The following LINGO2 variants were observed in gnomAD, a reference collection of about 807,000 sequenced individuals.
LINGO2 encodes the protein leucine rich repeat and Ig domain containing 2.
Under a neutral mutation model 30.6 loss-of-function variants are expected in LINGO2, and 14 were observed. The ratio of observed to expected loss-of-function variants is 0.46; its 90% CI spans 0.30 to 0.72. The LOEUF (loss-of-function observed/expected upper bound fraction) is 0.72. Among genes scored for constraint, LINGO2 ranks in the 30% least tolerant of loss-of-function variants. LINGO2 has a pLI of 0.07. For synonymous variants in LINGO2, 317 were observed against 288.5 expected (o/e 1.10, Z -1.00); for missense variants, 729 against 751.7 (o/e 0.97, Z 0.35).
chr9:28,075,557 C>T (rs1825599300), intron 4 of LINGO2, among the ~76,000 whole-genome samples: 1 of 151,930 alleles, frequency 6.6e-6, no homozygotes, highest in African/African-American at 2.4e-5. Flanking sequence ...TCCACAATCT[C>T]ATCAAGATTT....
rs542232447 is a variant in LINGO2, at chr9:28,143,991, C to G, written c.-86-131586G>C. Among the ~76,000 whole-genome samples, 10 of 151,748 alleles carry G rather than the reference C, an allele frequency of 6.6e-5. 1 individual carries two copies. The highest frequency in any genetic ancestry group is 1.5e-4 in the Non-Finnish European group (10 of 67,910). On this transcript the variant is annotated intron_variant, in intron 4 of 5. Coordinates refer to ENST00000379992, the Ensembl canonical transcript of LINGO2. ...GCATAAACTACTTGTGCAGGAGCAC[C>G]GAGAGTCCTTTTTGGAATAAGGTTA...
chr9:28,649,886 A>G (rs1434359338), intron 1 of LINGO2, among the ~76,000 whole-genome samples: 4 of 152,160 alleles, frequency 2.6e-5, no homozygotes, highest in African/African-American at 9.6e-5. Flanking sequence ...ACAGCCCCTG[A>G]TTCAACCCTC....
chr9:28,002,132 C>T (rs1486524809), intron 5 of LINGO2, among the ~76,000 whole-genome samples: 1 of 152,192 alleles, frequency 6.6e-6, no homozygotes, highest in Non-Finnish European at 1.5e-5. Flanking sequence ...GCACCAGCAA[C>T]ATGACCAATG....
At chr9:28,270,877 T>TCTC (rs1822915260) in intron 4 of LINGO2, among the ~76,000 whole-genome samples, 1 of 152,128 alleles carries the variant, frequency 6.6e-6, no homozygotes, top group Non-Finnish European at 1.5e-5. Context: ...AGATGAGGAC[T>TCTC]TGAGATTCAG....
At position 28,506,490 on chromosome 9, in the gene LINGO2, A is replaced by ATG. The variant is rs1564250782; in HGVS notation, c.-364-30466_-364-30465insCA. On this transcript the variant is annotated intron_variant, in intron 1 of 5. Transcript: ENST00000379992. ...CACACACACACACACATACACATAC[A>ATG]CACACACACACAGACATATATATAT... 1.9e-3 allele frequency among the ~76,000 whole-genome samples: 214 copies of ATG among 111,404 alleles called. 16 individuals are homozygous for ATG. The highest frequency in any genetic ancestry group is 6.3e-3 in the African/African-American group (200 of 31,690). The allele number at this position is 111,404 out of a possible 152,430, so 73.1% of individuals were successfully genotyped here.
downstream of LINGO2, chr9:27,943,902 A>T (rs1437706136): frequency 1.3e-5 from 2 of 152,070 alleles, no homozygotes; most frequent in Non-Finnish European, 2.9e-5. Context: ...CTCCAGGGAG[A>T]AGGGGATCAG....
the LINGO2 span, among the ~76,000 whole-genome samples, chr9:29,010,075 A>C: frequency 6.6e-6 from 1 of 152,148 alleles, no homozygotes; most frequent in Non-Finnish European, 1.5e-5. Context: ...ACCATAAAAA[A>C]CCCAAGAAGA....
At chr9:28,633,973 G>T (rs757529915) in intron 1 of LINGO2, among the ~76,000 whole-genome samples, 1 of 152,134 alleles carries the variant, frequency 6.6e-6, no homozygotes, top group African/African-American at 2.4e-5. Flanking sequence ...CCTGTGAGTA[G>T]GTCTCCTACC....
chr9:28,088,052 G>A (rs2133248492), intron 4 of LINGO2, among the ~76,000 whole-genome samples: 1 of 152,118 alleles, frequency 6.6e-6, no homozygotes, highest in East Asian at 1.9e-4. Context: ...ACAGATTTTG[G>A]AGTTCAAATC....
At position 28,066,274 on chromosome 9, in the gene LINGO2, G is replaced by C. The variant is rs183498926; in HGVS notation, c.-86-53869C>G. On this transcript the variant is annotated intron_variant, in intron 4 of 5. Transcript: ENST00000379992. ...CACAATACATCTGTGATCAGCAACA[G>C]AGAAAAAGTTTGGAGAAATGTCAGT... is the stretch of plus-strand genomic sequence containing the variant. Among the ~76,000 whole-genome samples, 3 of 152,202 alleles carry C rather than the reference G, an allele frequency of 2.0e-5. No homozygotes were observed. In the East Asian group the frequency reaches 5.8e-4, roughly 29 times the overall value.
At chr9:29,212,479 C>T in the LINGO2 span, among the ~76,000 whole-genome samples, 1 of 152,036 alleles carries the variant, frequency 6.6e-6, no homozygotes, top group Non-Finnish European at 1.5e-5. Flanking sequence ...GGCCGGGTGC[C>T]GCCGCCGCCC....
chr9:28,960,072 A>G, the LINGO2 span, among the ~76,000 whole-genome samples: 3 of 152,168 alleles, frequency 2.0e-5, no homozygotes, highest in African/African-American at 4.8e-5. Flanking sequence ...AAAGTAACAA[A>G]TGTTCTTGGA....
intron 4 of LINGO2, among the ~76,000 whole-genome samples, chr9:28,258,925 A>G (rs188578370): frequency 2.0e-5 from 3 of 151,880 alleles, no homozygotes; most frequent in Admixed American, 6.6e-5. Flanking sequence ...ATAAGTCAAA[A>G]AAAAAAACAT....
intron 4 of LINGO2, among the ~76,000 whole-genome samples, chr9:28,014,234 A>C (rs1822707730): frequency 6.6e-6 from 1 of 152,206 alleles, no homozygotes; most frequent in Non-Finnish European, 1.5e-5. Context: ...CTGAGCTGGA[A>C]GAAAATAAAG....
At chr9:28,078,290 A>AG (rs1459583405) in intron 4 of LINGO2, among the ~76,000 whole-genome samples, 1 of 148,940 alleles carries the variant, frequency 6.7e-6, no homozygotes, top group Admixed American at 6.6e-5. Context: ...GGCAACTGAG[A>AG]GGATGTGCAG....
At chr9:27,989,470 TG>T (rs1821287611) in intron 5 of LINGO2, among the ~76,000 whole-genome samples, 1 of 151,608 alleles carries the variant, frequency 6.6e-6, no homozygotes, top group African/African-American at 2.4e-5. Flanking sequence ...TGTGTGTGTG[TG>T]TGTGTGTATG....
chr9:29,143,332 T>A, the LINGO2 span, among the ~76,000 whole-genome samples: 1 of 152,078 alleles, frequency 6.6e-6, no homozygotes, highest in Admixed American at 6.6e-5. Flanking sequence ...CAATTCATAT[T>A]GAACCAGAAA....
chr9:28,108,976 C>A (rs1359953807), intron 4 of LINGO2, among the ~76,000 whole-genome samples: 2 of 152,114 alleles, frequency 1.3e-5, no homozygotes, highest in African/African-American at 2.4e-5. Context: ...CCCTGATGAA[C>A]ATCAATGAGA....
At position 28,063,280 on chromosome 9, in the gene LINGO2, C is replaced by T. The variant is rs192642406; in HGVS notation, c.-86-50875G>A. 7.9e-3 allele frequency among the ~76,000 whole-genome samples: 1,207 copies of T among 152,186 alleles called. 15 individuals are homozygous for T. Among genetic ancestry groups the T allele is most frequent in the African/African-American group, 0.027 (1,123 of 41,526 alleles). ...TACGAAGGATTGTAAATGCTTAATA[C>T]CTCACAGAGATTTTTCTGAAACAAT... On this transcript the variant is annotated intron_variant, in intron 4 of 5. Transcript: ENST00000379992.
Sources: gnomAD v4.1 joint callset for allele counts (sites outside exome capture counted in the v4.1 genomes callset) on GRCh38, gnomAD v4.1.1 for gene constraint, MANE v1.5 for transcripts, NCBI Gene and HGNC (gene_info 2026-07-23, HGNC 2026-07-21) for gene names.